The following DGKB variants were observed in gnomAD, a reference collection of about 807,000 sequenced individuals.
DGKB encodes the protein 90 kDa diacylglycerol kinase.
DGKB carries 67 observed loss-of-function variants against 114.3 expected under a neutral mutation model. The ratio of observed to expected loss-of-function variants is 0.59; its 90% CI spans 0.48 to 0.72. DGKB has a LOEUF of 0.72. Among genes scored for constraint, DGKB ranks in the 30% least tolerant of loss-of-function variants. The pLI is 0.00. For synonymous variants in DGKB, 398 were observed against 323.1 expected (o/e 1.23, Z -2.49); for missense variants, 907 against 975.2 (o/e 0.93, Z 0.93).
intron 17 of DGKB, among the ~76,000 whole-genome samples, chr7:14,590,300 C>T (rs1422201079): frequency 6.6e-6 from 1 of 151,474 alleles, no homozygotes; most frequent in Non-Finnish European, 1.5e-5. Flanking sequence ...TTTGATTCTC[C>T]CTCCTAGATT....
intron 1 of DGKB, among the ~76,000 whole-genome samples, chr7:14,857,208 C>G (rs187552501): frequency 5.1e-5 from 2 of 39,382 alleles, no homozygotes; most frequent in African/African-American, 4.8e-4. Flanking sequence ...CTCTCTCTGT[C>G]TCTCTCTCTC....
intron 1 of DGKB, among the ~76,000 whole-genome samples, chr7:14,897,498 A>T (rs1375890217): frequency 6.6e-6 from 1 of 151,856 alleles, no homozygotes; most frequent in Non-Finnish European, 1.5e-5. Flanking sequence ...ACCTTTTCAC[A>T]ACTTCACACT....
intron 23 of DGKB, among the ~76,000 whole-genome samples, chr7:14,276,986 G>A (rs1417213722): frequency 2.0e-5 from 3 of 151,930 alleles, no homozygotes; most frequent in Admixed American, 1.3e-4. Flanking sequence ...TTTTTGTGGT[G>A]AGATGTTTGA....
At chr7:14,698,040 G>T in intron 8 of DGKB, 55 bp downstream of exon 8, 2 of 899,394 alleles carry the variant, frequency 2.2e-6, no homozygotes, top group South Asian at 1.5e-5. Context: ...AGAAAGAAAA[G>T]AAAGAAAGAG....
At chr7:14,534,292 A>C (rs1040202650) in intron 20 of DGKB, among the ~76,000 whole-genome samples, 2 of 152,072 alleles carry the variant, frequency 1.3e-5, no homozygotes, top group Non-Finnish European at 2.9e-5. Flanking sequence ...AAATAAACAA[A>C]GGTAGTAGAT....
intron 6 of DGKB, among the ~76,000 whole-genome samples, chr7:14,717,026 G>A (rs1525074): frequency 0.4 from 60,217 of 151,422 alleles, 14,298 homozygotes; most frequent in East Asian, 0.87. Context: ...GAAGGGGGTT[G>A]AGAACACTAA....
intron 1 of DGKB, among the ~76,000 whole-genome samples, chr7:14,957,877 T>C (rs1331536674): frequency 2.0e-5 from 3 of 152,070 alleles, no homozygotes; most frequent in African/African-American, 7.2e-5. Context: ...AAAAAGATAG[T>C]GAAAGTTCAA....
intron 17 of DGKB, among the ~76,000 whole-genome samples, chr7:14,595,290 C>T (rs1344313728): frequency 2.6e-5 from 4 of 151,954 alleles, no homozygotes; most frequent in Admixed American, 6.6e-5. Flanking sequence ...AATGAGAAAG[C>T]GGTTCTTTAG....
chr7:14,786,898 C>T (rs978163195), intron 2 of DGKB, among the ~76,000 whole-genome samples: 2 of 146,856 alleles, frequency 1.4e-5, no homozygotes, highest in African/African-American at 5.5e-5. Context: ...AGGCAGATGA[C>T]GGGGTGACTG....
intron 1 of DGKB, among the ~76,000 whole-genome samples, chr7:14,945,240 T>A (rs1785806542): frequency 6.6e-6 from 1 of 151,794 alleles, no homozygotes. Context: ...TAATAATGTA[T>A]ATATTATATA....
chr7:14,281,933 A>C (rs1467109701), intron 23 of DGKB, among the ~76,000 whole-genome samples: 12 of 138,368 alleles, frequency 8.7e-5, no homozygotes, highest in Middle Eastern at 6.9e-3. Flanking sequence ...TTGACAGCCT[A>C]ACATCACAAT....
chr7:14,396,538 C>T (rs1025786319), intron 21 of DGKB, among the ~76,000 whole-genome samples: 50 of 152,262 alleles, frequency 3.3e-4, no homozygotes, highest in African/African-American at 8.9e-4. Flanking sequence ...GAAAACTCCA[C>T]ATCTGTGTGG....
chr7:14,844,469 A>T (rs893748006), intron 1 of DGKB, among the ~76,000 whole-genome samples: 3 of 152,212 alleles, frequency 2.0e-5, no homozygotes, highest in Non-Finnish European at 2.9e-5. Flanking sequence ...TACTAAATAA[A>T]GAGGCTTGGG....
chr7:14,309,710 TG>T (rs1233727959), intron 23 of DGKB, among the ~76,000 whole-genome samples: 1 of 152,194 alleles, frequency 6.6e-6, no homozygotes, highest in Non-Finnish European at 1.5e-5. Flanking sequence ...GGATAATTCT[TG>T]TTCTTCAGGG....
chr7:14,155,749 T>C (rs1406306038), intron 25 of DGKB, among the ~76,000 whole-genome samples: 2 of 152,084 alleles, frequency 1.3e-5, no homozygotes, highest in Non-Finnish European at 2.9e-5. Flanking sequence ...TTTCCATGCT[T>C]GTGGTCTTCG....
At chr7:14,916,599 A>G (rs1784250253) in intron 1 of DGKB, among the ~76,000 whole-genome samples, 1 of 152,124 alleles carries the variant, frequency 6.6e-6, no homozygotes, top group Non-Finnish European at 1.5e-5. Flanking sequence ...AGAAGGCATA[A>G]TTGTTCTTTA....
chr7:14,210,492 C>T (rs986836797), intron 23 of DGKB, among the ~76,000 whole-genome samples: 4 of 152,006 alleles, frequency 2.6e-5, no homozygotes, highest in African/African-American at 4.8e-5. Flanking sequence ...ATATCATTTC[C>T]AGGAAAATAA....
At chr7:14,863,499 T>C (rs904142275) in intron 1 of DGKB, among the ~76,000 whole-genome samples, 5 of 151,924 alleles carry the variant, frequency 3.3e-5, no homozygotes, top group Non-Finnish European at 5.9e-5. Context: ...ATCACTTTAA[T>C]ATAGGAGAAA....
intron 20 of DGKB, among the ~76,000 whole-genome samples, chr7:14,565,328 G>A (rs1797237112): frequency 6.6e-6 from 1 of 152,198 alleles, no homozygotes; most frequent in South Asian, 2.1e-4. Flanking sequence ...AATAGCTCCA[G>A]GTAATCTTCC....
Sources: allele counts gnomAD v4.1 joint callset (sites outside exome capture counted in the v4.1 genomes callset), GRCh38; gene constraint gnomAD v4.1.1; transcripts MANE v1.5; gene names NCBI Gene and HGNC (gene_info 2026-07-23, HGNC 2026-07-21).